The following TNRC6A variants were observed in gnomAD, a reference collection of about 807,000 sequenced individuals.
TNRC6A encodes the protein trinucleotide repeat-containing gene 6A protein.
TNRC6A carries 44 observed loss-of-function variants against 221.2 expected under a neutral mutation model. That is an observed-to-expected ratio of 0.20 (90% CI 0.16 to 0.26). The LOEUF is 0.26. Among genes scored for constraint, TNRC6A ranks in the 10% least tolerant of loss-of-function variants. The probability of loss-of-function intolerance (pLI) is 1.00; values close to 1 mark genes in which losing one functional copy is unlikely to be tolerated. For synonymous variants in TNRC6A, 847 were observed against 838.5 expected (o/e 1.01, Z -0.18); for missense variants, 2,199 against 2,404.4 (o/e 0.91, Z 1.79).
chr16:24,813,200 G>A (rs1331553071), intron 18 of TNRC6A, among the ~76,000 whole-genome samples: 1 of 151,988 alleles, frequency 6.6e-6, no homozygotes, highest in Non-Finnish European at 1.5e-5. Context: ...GATTCAGGGG[G>A]TACAAGTTCA....
upstream of TNRC6A, among the ~76,000 whole-genome samples, chr16:24,725,924 C>T (rs1027916760): frequency 1.3e-5 from 2 of 151,252 alleles, no homozygotes; most frequent in South Asian, 2.1e-4. Context: ...CGCTTGAACC[C>T]GGGAGGCAGA....
At chr16:24,776,433 G>A in intron 4 of TNRC6A, 1 of 985,406 alleles carries the variant, frequency 1.0e-6, no homozygotes, top group Non-Finnish European at 1.2e-6. Flanking sequence ...CTTTTTGTAA[G>A]AAAACCAGCA....
At chr16:24,727,642 G>C (rs961406513), upstream of TNRC6A, among the ~76,000 whole-genome samples, 19 of 152,278 alleles carry the variant, frequency 1.2e-4, no homozygotes, top group East Asian at 3.5e-3. Context: ...AATCTTAACA[G>C]CTGTGCAAAT....
chr16:24,761,039 AAG>A (rs2057352598), intron 4 of TNRC6A, among the ~76,000 whole-genome samples: 1 of 152,210 alleles, frequency 6.6e-6, no homozygotes, highest in South Asian at 2.1e-4. Flanking sequence ...TAAAAATCAG[AAG>A]AGTCTGCCTA....
At chr16:24,692,732 A>G (rs2055781116) in intron 2 of TNRC6A, among the ~76,000 whole-genome samples, 1 of 151,936 alleles carries the variant, frequency 6.6e-6, no homozygotes, top group Middle Eastern at 3.4e-3. Context: ...TTATATATAT[A>G]TGTGTATATA....
At chr16:24,642,752 G>A (rs527937688) in intron 2 of TNRC6A, among the ~76,000 whole-genome samples, 1 of 152,212 alleles carries the variant, frequency 6.6e-6, no homozygotes, top group Non-Finnish European at 1.5e-5. Flanking sequence ...CCCGGAAGGT[G>A]GAGGTTGCGG....
intron 2 of TNRC6A, among the ~76,000 whole-genome samples, chr16:24,746,658 T>A (rs1405631718): frequency 1.3e-5 from 2 of 152,196 alleles, no homozygotes; most frequent in Non-Finnish European, 2.9e-5. Flanking sequence ...GATAGTGACA[T>A]TTAAAAATTC....
At chr16:24,637,652 G>A (rs552869109) in intron 1 of TNRC6A, among the ~76,000 whole-genome samples, 2 of 152,298 alleles carry the variant, frequency 1.3e-5, no homozygotes, top group East Asian at 1.9e-4. Flanking sequence ...CTTAAAAGAG[G>A]ACTCAGGCAG....
chr16:24,741,295 G>A (rs536416276), intron 2 of TNRC6A, among the ~76,000 whole-genome samples: 22 of 152,278 alleles, frequency 1.4e-4, no homozygotes, highest in South Asian at 4.1e-4. Context: ...CCTTTATCAG[G>A]TTAAGGAAGT....
chr16:24,720,449 G>A (rs928445978), intron 2 of TNRC6A, among the ~76,000 whole-genome samples: 2 of 152,036 alleles, frequency 1.3e-5, no homozygotes, highest in African/African-American at 4.8e-5. Context: ...AGCACTTTGG[G>A]AGGCCAAGAC....
intron 4 of TNRC6A, among the ~76,000 whole-genome samples, chr16:24,761,240 C>T (rs919037891): frequency 2.6e-5 from 4 of 152,116 alleles, no homozygotes; most frequent in East Asian, 1.9e-4. Flanking sequence ...TAATGGGCAA[C>T]GTAATGACGT....
rs77691495 is a variant in TNRC6A, at chr16:24,637,545, G to A, written n.277-3339G>A. 7.1e-3 allele frequency among the ~76,000 whole-genome samples: 1,074 copies of A among 152,286 alleles called. 7 individuals carry two copies. The highest frequency in any genetic ancestry group is 0.031 in the Middle Eastern group (9 of 294). On this transcript the variant is annotated intron_variant and non_coding_transcript_variant, in intron 1 of 2. Coordinates refer to the TNRC6A transcript ENST00000566108. ...ATTAGATGGTGATCAGACCTATGGA[G>A]GGAAAGTAAGGAAGGAGGAAGGGAA...
rs376470343 is a variant in TNRC6A, at chr16:24,806,554, A to C, written c.4330-20A>C. ...ACGTTTTCCCCCAGTAATTTTTTCC[A>C]ATCATTTCATTGTTTTAAGGGTCGA... is the stretch of plus-strand genomic sequence containing the variant. On this transcript the variant is annotated intron_variant, in intron 16 of 24. Coordinates refer to ENST00000395799, the MANE Select transcript of TNRC6A (RefSeq NM_014494.4). 9.3e-6 allele frequency: 15 copies of C among 1,612,484 alleles called. No homozygotes were observed. The highest frequency in any genetic ancestry group is 1.2e-5 in the Non-Finnish European group (14 of 1,178,680).
chr16:24,635,720 G>C (rs1278964340), intron 1 of TNRC6A, among the ~76,000 whole-genome samples: 1 of 152,140 alleles, frequency 6.6e-6, no homozygotes, highest in Non-Finnish European at 1.5e-5. Context: ...TATTATTTCT[G>C]AGAGTTTTTG....
At chr16:24,754,201 A>G (rs528905885) in intron 3 of TNRC6A, among the ~76,000 whole-genome samples, 3 of 152,280 alleles carry the variant, frequency 2.0e-5, no homozygotes, top group African/African-American at 7.2e-5. Context: ...ATTTTAAATA[A>G]AAAGCCAGAT....
intron 2 of TNRC6A, among the ~76,000 whole-genome samples, chr16:24,748,016 A>G (rs1021769690): frequency 1.3e-5 from 2 of 152,212 alleles, no homozygotes; most frequent in African/African-American, 4.8e-5. Context: ...GTTTCTGAAT[A>G]AGTACCTGTG....
At chr16:24,798,186 TG>T (rs2151936217) in intron 11 of TNRC6A, 1 of 367,386 alleles carries the variant, frequency 2.7e-6, no homozygotes, top group Non-Finnish European at 4.9e-6. Flanking sequence ...CACATAATCC[TG>T]CCAAGAGGGA....
At position 24,626,877 on chromosome 16, in the gene TNRC6A, C is replaced by T. The variant is rs186022231; in HGVS notation, n.277-14007C>T. On this transcript the variant is annotated intron_variant and non_coding_transcript_variant, in intron 1 of 2. Coordinates refer to the TNRC6A transcript ENST00000566108. ...CCATGTTAGCCAGGAAGGTCTCGAT[C>T]TCCTGACCTCGTGATCCACCCGCCT... Among the ~76,000 whole-genome samples, 1,165 of 151,114 alleles carry T rather than the reference C, an allele frequency of 7.7e-3. 17 individuals carry two copies. The highest frequency in any genetic ancestry group is 0.027 in the African/African-American group (1,104 of 41,220).
At chr16:24,796,094 G>A (rs2058214091) in intron 9 of TNRC6A, 155 bp downstream of exon 9, 1 of 755,774 alleles carries the variant, frequency 1.3e-6, no homozygotes, top group Admixed American at 2.3e-5. Flanking sequence ...CCTTTCGGGA[G>A]CTCACAGTCT....
Sources: allele counts gnomAD v4.1 joint callset (sites outside exome capture counted in the v4.1 genomes callset), GRCh38; gene constraint gnomAD v4.1.1; transcripts MANE v1.5; gene names NCBI Gene and HGNC (gene_info 2026-07-23, HGNC 2026-07-21).